Variants in PPP2R5E observed in about 807,000 individuals in gnomAD.
The protein encoded by PPP2R5E is protein phosphatase 2 regulatory subunit B'epsilon.
PPP2R5E carries 4 observed loss-of-function variants against 65.3 expected under a neutral mutation model. The observed-to-expected ratio is 0.06, with a 90% confidence interval of 0.03 to 0.14. The LOEUF is 0.14. Ranked by LOEUF, PPP2R5E falls within the 10% of genes least tolerant of loss-of-function variation. The probability of loss-of-function intolerance (pLI) is 1.00; values close to 1 mark genes in which losing one functional copy is unlikely to be tolerated. For synonymous variants in PPP2R5E, 183 were observed against 187.4 expected (o/e 0.98, Z 0.19); for missense variants, 274 against 556.1 (o/e 0.49, Z 5.10).
chr14:63,465,636 T>A (rs1379027127), intron 2 of PPP2R5E, among the ~76,000 whole-genome samples: 2 of 151,810 alleles, frequency 1.3e-5, no homozygotes, highest in African/African-American at 2.4e-5. Flanking sequence ...AAAAAAAAAT[T>A]TTTTTTAAAG....
intron 3 of PPP2R5E, among the ~76,000 whole-genome samples, chr14:63,428,498 G>T (rs1887458090): frequency 2.0e-5 from 3 of 152,080 alleles, no homozygotes; most frequent in Admixed American, 2.0e-4. Context: ...TACTAAATCT[G>T]ACAACCCTAA....
At chr14:63,506,282 C>G (rs1483702060) in intron 2 of PPP2R5E, among the ~76,000 whole-genome samples, 1 of 151,942 alleles carries the variant, frequency 6.6e-6, no homozygotes, top group Admixed American at 6.6e-5. Context: ...AACCCCGTCT[C>G]TACTAAAAAT....
intron 13 of PPP2R5E, among the ~76,000 whole-genome samples, chr14:63,379,583 AT>A (rs1884194343): frequency 6.6e-6 from 1 of 151,730 alleles, no homozygotes; most frequent in South Asian, 2.1e-4. Context: ...CCATTTTCTC[AT>A]TAAGAAAGTA....
chr14:63,492,177 T>C (rs941492556), intron 2 of PPP2R5E, among the ~76,000 whole-genome samples: 4 of 152,208 alleles, frequency 2.6e-5, no homozygotes, highest in South Asian at 2.1e-4. Context: ...AGCACACTGA[T>C]TTTTTACATC....
intron 4 of PPP2R5E, among the ~76,000 whole-genome samples, chr14:63,418,704 A>ATT (rs1239926375): frequency 6.7e-6 from 1 of 148,324 alleles, no homozygotes; most frequent in East Asian, 2.0e-4. Context: ...TAAACAAGAT[A>ATT]CTATTTTGGA....
chr14:63,471,530 T>C (rs1156389152), intron 2 of PPP2R5E, among the ~76,000 whole-genome samples: 1 of 152,198 alleles, frequency 6.6e-6, no homozygotes, highest in Non-Finnish European at 1.5e-5. Flanking sequence ...ATAATAATAG[T>C]AAAAACTTAG....
At chr14:63,466,644 T>C (rs749467380) in intron 2 of PPP2R5E, among the ~76,000 whole-genome samples, 9 of 152,288 alleles carry the variant, frequency 5.9e-5, no homozygotes, top group Admixed American at 3.3e-4. Context: ...TGAAATACCA[T>C]GCCAAGAGAC....
chr14:63,509,739 T>C (rs1215104923), intron 2 of PPP2R5E, among the ~76,000 whole-genome samples: 6 of 152,126 alleles, frequency 3.9e-5, no homozygotes, highest in African/African-American at 9.7e-5. Flanking sequence ...ACAGAACCCA[T>C]ATTCAAAGCC....
intron 2 of PPP2R5E, among the ~76,000 whole-genome samples, chr14:63,525,095 T>C (rs1893128671): frequency 6.6e-6 from 1 of 152,234 alleles, no homozygotes. Flanking sequence ...AAACATCGCT[T>C]GTTCTTGGTA....
At chr14:63,469,304 A>G (rs74345121) in intron 2 of PPP2R5E, among the ~76,000 whole-genome samples, 4,450 of 152,338 alleles carry the variant, frequency 0.029, 191 homozygotes, top group African/African-American at 0.097. Context: ...TTATAAGGGC[A>G]TATGTTGTAA....
intron 3 of PPP2R5E, among the ~76,000 whole-genome samples, chr14:63,443,529 C>A (rs1384858508): frequency 6.6e-6 from 1 of 152,138 alleles, no homozygotes; most frequent in African/African-American, 2.4e-5. Context: ...TTAATCTACT[C>A]TTCAACCCAC....
intron 5 of PPP2R5E, among the ~76,000 whole-genome samples, chr14:63,413,658 A>C (rs1886527299): frequency 6.6e-6 from 1 of 152,214 alleles, no homozygotes; most frequent in Non-Finnish European, 1.5e-5. Context: ...CACTATATAC[A>C]TGCAAGGCTT....
chr14:63,396,577 T>C lies in PPP2R5E; in HGVS notation c.680+9A>G. 6.2e-7 allele frequency: 1 copy of C among 1,610,686 alleles called. No homozygotes were observed. The highest frequency in any genetic ancestry group is 8.5e-7 in the Non-Finnish European group (1 of 1,179,034). ...GCTTCTCCTTCTTCCCCCATCACAC[T>C]CCACTTACCTTAGAAAAATATTGTT... On this transcript the variant is annotated intron_variant, in intron 6 of 13. Transcript: ENST00000337537.
intron 2 of PPP2R5E, among the ~76,000 whole-genome samples, chr14:63,522,598 C>T (rs1566760893): frequency 6.9e-6 from 1 of 144,306 alleles, no homozygotes; most frequent in African/African-American, 2.5e-5. Context: ...GCCCCGCCGC[C>T]CCGTCTGGGA....
chr14:63,409,102 G>A (rs1345497262), intron 5 of PPP2R5E, among the ~76,000 whole-genome samples: 1 of 152,044 alleles, frequency 6.6e-6, no homozygotes, highest in African/African-American at 2.4e-5. Flanking sequence ...CCGTAGTGGC[G>A]AGTGCCTGTA....
intron 2 of PPP2R5E, among the ~76,000 whole-genome samples, chr14:63,456,836 C>G (rs963706292): frequency 6.6e-6 from 1 of 152,176 alleles, no homozygotes; most frequent in African/African-American, 2.4e-5. Flanking sequence ...AATGACTCTC[C>G]ATTCATAAAG....
chr14:63,489,416 C>CTT (rs200892473), intron 2 of PPP2R5E, among the ~76,000 whole-genome samples: 23,039 of 141,834 alleles, frequency 0.16, 2,020 homozygotes, highest in East Asian at 0.2. Flanking sequence ...TTGTTGTTTT[C>CTT]TTTTTTTTTT....
intron 13 of PPP2R5E, among the ~76,000 whole-genome samples, chr14:63,378,518 A>G (rs1054453505): frequency 8.5e-5 from 13 of 152,190 alleles, no homozygotes; most frequent in Admixed American, 2.6e-4. Flanking sequence ...ATGGCACTCA[A>G]TGCAATTTAT....
At chr14:63,518,722 C>A (rs781386637) in intron 2 of PPP2R5E, among the ~76,000 whole-genome samples, 6 of 152,050 alleles carry the variant, frequency 3.9e-5, no homozygotes, top group Non-Finnish European at 8.8e-5. Context: ...GACAAGAGAA[C>A]TTTTTAAAAT....
Sources: gnomAD v4.1 joint callset for allele counts (sites outside exome capture counted in the v4.1 genomes callset) on GRCh38, gnomAD v4.1.1 for gene constraint, MANE v1.5 for transcripts, NCBI Gene and HGNC (gene_info 2026-07-23, HGNC 2026-07-21) for gene names.